ZNF407: variants seen among roughly 807,000 people sequenced by gnomAD.
ZNF407 encodes the protein zinc finger protein 407.
In ZNF407, 17 loss-of-function variants were observed where a neutral mutation model predicts 131.2. The ratio of observed to expected loss-of-function variants is 0.13; its 90% confidence interval spans 0.09 to 0.19. ZNF407 has a LOEUF of 0.19. Among genes scored for constraint, ZNF407 ranks in the 10% least tolerant of loss-of-function variants. The pLI, the probability that ZNF407 is intolerant of heterozygous loss-of-function variation, is 1.00. For synonymous variants in ZNF407, 1,156 were observed against 1,062.0 expected, an observed-to-expected ratio of 1.09 and a Z score of -1.72; for missense variants, 2,681 against 2,830.6, an observed-to-expected ratio of 0.95 and a Z score of 1.20.
rs902495923 is a variant in ZNF407 at position 74,993,369 on chromosome 18, T to C, written c.5429-69781T>C. Among the ~76,000 whole-genome samples, 11 of 152,192 alleles carry C rather than the reference T, an allele frequency of 7.2e-5. 1 individual carries two copies. Among genetic ancestry groups the C allele is most frequent in the African/African-American group, 2.7e-4 (11 of 41,456 alleles). On this transcript the variant is annotated intron_variant, in intron 8 of 8. Transcript: ENST00000299687. The stretch of plus-strand genomic sequence containing the variant: ...TTATGGATGAGTCTCAAAAGTGTGC[T>C]AAGCAAAAGCGCAGACACAGAAGAG...
chr18:74,648,001 C>A (rs761955726), intron 3 of ZNF407, among the ~76,000 whole-genome samples: 22 of 152,162 alleles, frequency 1.4e-4, no homozygotes, highest in Non-Finnish European at 3.1e-4. Context: ...TGGAAGAGCA[C>A]TGCAGGCAAT....
chr18:74,607,379 T>A (rs1982855492), intron 1 of ZNF407, among the ~76,000 whole-genome samples: 1 of 152,136 alleles, frequency 6.6e-6, no homozygotes, highest in Non-Finnish European at 1.5e-5. Flanking sequence ...AAGTAAACCT[T>A]CCCAGGTTTA....
At chr18:74,848,366 A>C (rs916028150) in intron 4 of ZNF407, among the ~76,000 whole-genome samples, 1 of 152,142 alleles carries the variant, frequency 6.6e-6, no homozygotes, top group African/African-American at 2.4e-5. Flanking sequence ...AGGAATTGAA[A>C]CAATAAAACC....
rs146378853 is a variant in ZNF407, at chr18:74,963,568, G to T, written c.5428+42876G>T. On this transcript the variant is annotated intron_variant, in intron 8 of 8. Coordinates refer to ENST00000299687, the MANE Select transcript of ZNF407 (RefSeq NM_017757.3). Reference sequence around the variant, plus strand: ...TAAAGAACTCTCAGTTTTCTGCATTGTAGTGGACCCAAATTTTATAGCAAA... The same window carrying T: ...TAAAGAACTCTCAGTTTTCTGCATTTTAGTGGACCCAAATTTTATAGCAAA... Among the ~76,000 whole-genome samples, 119 of 152,208 alleles carry T rather than the reference G, an allele frequency of 7.8e-4. 1 individual carries two copies. In the East Asian group the frequency reaches 0.021, roughly 27 times the overall value.
chr18:74,646,194 A>G (rs1191115989), intron 3 of ZNF407, among the ~76,000 whole-genome samples: 1 of 152,236 alleles, frequency 6.6e-6, no homozygotes, highest in Admixed American at 6.5e-5. Context: ...TGTGAGAACT[A>G]AAGCTGTGTA....
At chr18:74,669,615 G>A (rs1161371183) in intron 3 of ZNF407, among the ~76,000 whole-genome samples, 1 of 152,180 alleles carries the variant, frequency 6.6e-6, no homozygotes, top group Non-Finnish European at 1.5e-5. Context: ...GTTGGACAAT[G>A]GTGCCTCAGT....
intron 4 of ZNF407, among the ~76,000 whole-genome samples, chr18:74,862,420 G>T (rs1970950359): frequency 6.6e-6 from 1 of 151,946 alleles, no homozygotes; most frequent in South Asian, 2.1e-4. Flanking sequence ...TGATAGGAGA[G>T]AAATAAAAAA....
At chr18:74,720,305 A>G (rs1402475644) in intron 3 of ZNF407, among the ~76,000 whole-genome samples, 1 of 151,596 alleles carries the variant, frequency 6.6e-6, no homozygotes, top group African/African-American at 2.4e-5. Flanking sequence ...GTGGCCATTC[A>G]TTAAAATGTC....
intron 7 of ZNF407, among the ~76,000 whole-genome samples, chr18:74,913,612 T>C (rs1414463622): frequency 6.6e-6 from 1 of 152,198 alleles, no homozygotes; most frequent in East Asian, 1.9e-4. Flanking sequence ...AGTTAGGGAT[T>C]GTACCTAGCT....
chr18:74,727,536 G>A (rs970155083), intron 3 of ZNF407, among the ~76,000 whole-genome samples: 10 of 152,168 alleles, frequency 6.6e-5, no homozygotes, highest in Non-Finnish European at 1.3e-4. Flanking sequence ...GCACAGGTGC[G>A]TGTTCAACAC....
At chr18:74,654,728 T>C (rs1462630654) in intron 3 of ZNF407, among the ~76,000 whole-genome samples, 1 of 151,860 alleles carries the variant, frequency 6.6e-6, no homozygotes, top group Admixed American at 6.6e-5. Flanking sequence ...ATTTATCTTA[T>C]ATGTAAGATT....
At position 74,981,971 on chromosome 18, in the gene ZNF407, T is replaced by G. The variant is rs150083798; in HGVS notation, c.5428+61279T>G. Among the ~76,000 whole-genome samples the G allele has an allele frequency of 2.0e-5, 3 of 152,342 alleles. No individual in the cohort carries two copies. In the East Asian group the frequency reaches 5.8e-4, roughly 29 times the overall value. ...CCCATATTCCACTTTTTCTGTTGGC[T>G]TAAAATGGGAATTCAGCACACAGCC... On this transcript the variant is annotated intron_variant, in intron 8 of 8. Transcript: ENST00000299687.
intron 1 of ZNF407, among the ~76,000 whole-genome samples, chr18:74,605,021 G>C (rs923022848): frequency 6.6e-6 from 1 of 152,256 alleles, no homozygotes; most frequent in Non-Finnish European, 1.5e-5. Flanking sequence ...AGAGGGAACA[G>C]AGCCAGATGG....
intron 8 of ZNF407, among the ~76,000 whole-genome samples, chr18:74,972,968 T>C (rs1371315677): frequency 6.6e-6 from 1 of 152,250 alleles, no homozygotes; most frequent in Admixed American, 6.5e-5. Flanking sequence ...CGCTAGGTCT[T>C]AAGTCTGCCA....
At chr18:74,617,168 A>G (rs1983348833) in intron 1 of ZNF407, among the ~76,000 whole-genome samples, 1 of 152,298 alleles carries the variant, frequency 6.6e-6, no homozygotes, top group Non-Finnish European at 1.5e-5. Flanking sequence ...CGCACCACAC[A>G]CATCCATATC....
In ZNF407 at chr18:74,634,439, A is replaced by G. The variant is rs1179305434; in HGVS notation, c.3420A>G (p.Lys1140=). 3 of 1,613,594 alleles carry G rather than the reference A, an allele frequency of 1.9e-6. No individual in the cohort carries two copies. The East Asian group carries it at 6.7e-5, about 36-fold the overall frequency. The stretch of plus-strand genomic sequence containing the variant: ...AGAATACTAATTTAGATATGTCTAA[A>G]GTGCTCTGCGCTGCTGACTCTGTAG... ...LNENTNLDMS[K]VLCAADSVEV... Residue 1140 remains lysine, a synonymous_variant, in exon 2 of 9, where the codon AAA becomes AAG. Coordinates refer to ENST00000299687, the MANE Select transcript of ZNF407 (RefSeq NM_017757.3).
intron 1 of ZNF407, among the ~76,000 whole-genome samples, chr18:74,625,071 TC>T (rs1289137238): frequency 6.6e-6 from 1 of 152,258 alleles, no homozygotes; most frequent in Non-Finnish European, 1.5e-5. Context: ...TGACTACAGT[TC>T]CTTTCATGTG....
intron 4 of ZNF407, among the ~76,000 whole-genome samples, chr18:74,807,418 G>C (rs1476447890): frequency 2.0e-5 from 3 of 152,102 alleles, no homozygotes; most frequent in African/African-American, 2.4e-5. Context: ...GGATATTCAT[G>C]GGAAGGTTTT....
chr18:74,630,401 G>C (rs1383686112), intron 1 of ZNF407, among the ~76,000 whole-genome samples: 2 of 152,066 alleles, frequency 1.3e-5, no homozygotes, highest in East Asian at 3.9e-4. Context: ...TCGATCTCCT[G>C]ACCTCGTGAT....
Sources: allele counts gnomAD v4.1 joint callset (sites outside exome capture counted in the v4.1 genomes callset), GRCh38; gene constraint gnomAD v4.1.1; transcripts MANE v1.5; gene names NCBI Gene and HGNC (gene_info 2026-07-23, HGNC 2026-07-21).